DYNC1I1: variants seen among roughly 807,000 people sequenced by gnomAD.
DYNC1I1 encodes the protein cytoplasmic dynein 1 intermediate chain 1.
In DYNC1I1, 43 loss-of-function variants were observed where a neutral mutation model predicts 86.6. The observed-to-expected ratio is 0.50, with a 90% confidence interval of 0.39 to 0.64. The LOEUF (loss-of-function observed/expected upper bound fraction) is 0.64, where lower values mean the gene tolerates loss of function less well. Among genes scored for constraint, DYNC1I1 ranks in the 30% least tolerant of loss-of-function variants. The pLI, the probability that DYNC1I1 is intolerant of heterozygous loss-of-function variation, is 0.00. For synonymous variants in DYNC1I1, 262 were observed against 283.7 expected (o/e 0.92, Z 0.77); for missense variants, 604 against 788.8 (o/e 0.77, Z 2.81).
At chr7:95,799,767 C>A (rs1794534028) in intron 1 of DYNC1I1, among the ~76,000 whole-genome samples, 1 of 151,870 alleles carries the variant, frequency 6.6e-6, no homozygotes, top group African/African-American at 2.4e-5. Flanking sequence ...ATTGGATTTC[C>A]TTACTTTAAA....
intron 9 of DYNC1I1, among the ~76,000 whole-genome samples, chr7:95,989,371 A>G (rs1054790701): frequency 6.6e-6 from 1 of 152,230 alleles, no homozygotes; most frequent in Admixed American, 6.5e-5. Context: ...GAAGACAAGC[A>G]GGGTTTGCCC....
chr7:95,923,703 T>C (rs1203679794), intron 6 of DYNC1I1, among the ~76,000 whole-genome samples: 2 of 152,322 alleles, frequency 1.3e-5, no homozygotes, highest in Non-Finnish European at 2.9e-5. Flanking sequence ...GTATGTTGAT[T>C]GGAAAGCAAT....
chr7:96,035,789 C>T, intron 13 of DYNC1I1, 37 bp downstream of exon 13: 1 of 1,602,958 alleles, frequency 6.2e-7, no homozygotes, highest in South Asian at 1.1e-5. Context: ...ACATGTTCTT[C>T]ATTTCCGAAA....
intron 14 of DYNC1I1, among the ~76,000 whole-genome samples, chr7:96,060,064 A>G (rs1223569686): frequency 6.6e-6 from 1 of 152,204 alleles, no homozygotes; most frequent in Non-Finnish European, 1.5e-5. Flanking sequence ...AACAATAACC[A>G]TTTAAGTGAA....
At chr7:96,051,811 A>C (rs576960727) in intron 14 of DYNC1I1, among the ~76,000 whole-genome samples, 39 of 152,344 alleles carry the variant, frequency 2.6e-4, no homozygotes, top group African/African-American at 9.4e-4. Context: ...ACTAGAAAAG[A>C]ATAATTTGAA....
intron 16 of DYNC1I1, among the ~76,000 whole-genome samples, chr7:96,092,176 G>C (rs1325996553): frequency 7.9e-6 from 1 of 127,018 alleles, no homozygotes; most frequent in Non-Finnish European, 1.8e-5. Flanking sequence ...AAAATATAAG[G>C]TATACTTCTA....
At chr7:95,880,893 T>A (rs1234167243) in intron 6 of DYNC1I1, among the ~76,000 whole-genome samples, 3 of 152,008 alleles carry the variant, frequency 2.0e-5, no homozygotes, top group Admixed American at 2.0e-4. Flanking sequence ...GATCCGCCCA[T>A]CTCAGCCTCC....
At chr7:95,803,472 C>T (rs575255166) in intron 1 of DYNC1I1, among the ~76,000 whole-genome samples, 14 of 152,338 alleles carry the variant, frequency 9.2e-5, no homozygotes, top group East Asian at 3.9e-4. Context: ...CACAAATCTC[C>T]GCTGTCACAC....
intron 6 of DYNC1I1, among the ~76,000 whole-genome samples, chr7:95,926,460 C>T (rs1791747825): frequency 6.6e-6 from 1 of 151,996 alleles, no homozygotes; most frequent in Non-Finnish European, 1.5e-5. Flanking sequence ...CTATTTTATA[C>T]ACATGCATAG....
chr7:96,032,634 T>G, intron 11 of DYNC1I1, 33 bp from the exon 12 acceptor site: 2 of 1,506,590 alleles, frequency 1.3e-6, no homozygotes, highest in Non-Finnish European at 1.8e-6. Flanking sequence ...CTCTTGGATC[T>G]GTCTCTGATC....
intron 1 of DYNC1I1, among the ~76,000 whole-genome samples, chr7:95,789,118 T>C (rs1263649881): frequency 2.6e-5 from 4 of 152,182 alleles, no homozygotes; most frequent in Non-Finnish European, 5.9e-5. Context: ...GGTTTAAGCC[T>C]TTTAGAACTG....
At position 96,023,016 on chromosome 7, in the gene DYNC1I1, A is replaced by T. The variant is rs1794591466; in HGVS notation, c.970-5159A>T. On this transcript the variant is annotated intron_variant, in intron 10 of 16. Transcript: ENST00000447467. ...AATGCCTGGTGCTACATGATTGCCTATAGGAGGGGTTTTCAACAGCAGTCT... is the reference window on the plus strand; with the variant it reads ...AATGCCTGGTGCTACATGATTGCCTTTAGGAGGGGTTTTCAACAGCAGTCT... 2.0e-5 allele frequency among the ~76,000 whole-genome samples: 3 copies of T among 152,008 alleles called. No homozygotes were observed. The South Asian group carries it at 6.2e-4, about 32-fold the overall frequency.
intron 7 of DYNC1I1, among the ~76,000 whole-genome samples, chr7:95,980,797 C>T (rs923998109): frequency 5.9e-5 from 9 of 152,102 alleles, no homozygotes; most frequent in Non-Finnish European, 1.3e-4. Context: ...CTCATGTCTT[C>T]ATGTTTAGAA....
Position 95,903,182 on chromosome 7 carries a change from A to G in DYNC1I1, c.490+33184A>G, listed in dbSNP as rs76401774. ...AACGTGAAGTGTGAGGCAATTTAGT[A>G]TAGTTAGTATTTTAGTAGTAAGTAC... On this transcript the variant is annotated intron_variant, in intron 6 of 16. Transcript: ENST00000447467. 1.4e-4 allele frequency among the ~76,000 whole-genome samples: 22 copies of G among 152,322 alleles called. No individual in the cohort carries two copies. The East Asian group carries it at 4.2e-3, about 29-fold the overall frequency.
intron 13 of DYNC1I1, among the ~76,000 whole-genome samples, chr7:96,036,081 C>A (rs1794921253): frequency 6.6e-6 from 1 of 152,190 alleles, no homozygotes; most frequent in Non-Finnish European, 1.5e-5. Flanking sequence ...TATTTCTTAT[C>A]CCTCCATGCC....
chr7:95,944,673 A>G (rs1584187119), intron 6 of DYNC1I1, among the ~76,000 whole-genome samples: 1 of 152,178 alleles, frequency 6.6e-6, no homozygotes, highest in Admixed American at 6.5e-5. Context: ...GTACATATAC[A>G]CCATGGAATA....
intron 7 of DYNC1I1, 75 bp downstream of exon 7, chr7:95,977,676 T>G: frequency 4.4e-6 from 6 of 1,358,278 alleles, no homozygotes; most frequent in Non-Finnish European, 6.0e-6. Flanking sequence ...TAAGAGACTA[T>G]AGAGCTAAGT....
chr7:96,017,602 T>C (rs141138625), intron 10 of DYNC1I1, among the ~76,000 whole-genome samples: 420 of 152,298 alleles, frequency 2.8e-3, no homozygotes, highest in African/African-American at 9.5e-3. Context: ...GTGAAAAAAG[T>C]ATGCATATTA....
At chr7:96,078,471 A>T (rs1790410793) in intron 15 of DYNC1I1, among the ~76,000 whole-genome samples, 1 of 152,162 alleles carries the variant, frequency 6.6e-6, no homozygotes, top group Admixed American at 6.5e-5. Context: ...CTAGCGCATA[A>T]TATAGGCTGT....
Sources: gnomAD v4.1 joint callset for allele counts (sites outside exome capture counted in the v4.1 genomes callset) on GRCh38, gnomAD v4.1.1 for gene constraint, MANE v1.5 for transcripts, NCBI Gene and HGNC (gene_info 2026-07-23, HGNC 2026-07-21) for gene names.